Variants in LDLRAP1 observed in about 807,000 individuals in gnomAD.
LDLRAP1 encodes the protein low density lipoprotein receptor adaptor protein 1, also known as low density lipoprotein receptor adapter protein 1.
LDLRAP1 carries 30 observed loss-of-function variants against 37.8 expected under a neutral mutation model. The ratio of observed to expected loss-of-function variants is 0.79; its 90% confidence interval spans 0.59 to 1.08. LDLRAP1 has a LOEUF of 1.08. LDLRAP1 is among the 50% of genes least tolerant of loss of function. The pLI is 0.00. For synonymous variants in LDLRAP1, 156 were observed against 169.8 expected, an observed-to-expected ratio of 0.92 and a Z score of 0.63; for missense variants, 375 against 401.6, an observed-to-expected ratio of 0.93 and a Z score of 0.57.
downstream of LDLRAP1, among the ~76,000 whole-genome samples, chr1:25,569,535 C>T (rs916694824): frequency 6.6e-6 from 1 of 152,298 alleles, no homozygotes; most frequent in East Asian, 1.9e-4. Context: ...GTGCAATGAC[C>T]TCCCCGCTTT....
chr1:25,554,984 A>T lies in LDLRAP1; in HGVS notation c.344+12A>T. The T allele has an allele frequency of 1.2e-6, 2 of 1,603,476 alleles. No individual in the cohort carries two copies. Among genetic ancestry groups the T allele is most frequent in the Non-Finnish European group, 1.7e-6 (2 of 1,170,570 alleles). ...GTGTCCATATACAGGTACGCTCAGC[A>T]TGGGGTTGGCCCATCCACTCTGCCA... is the stretch of plus-strand genomic sequence containing the variant. On this transcript the variant is annotated intron_variant, in intron 3 of 8. Coordinates refer to ENST00000374338, the MANE Select transcript of LDLRAP1 (RefSeq NM_015627.3). This position sits in a 1 kb window ranked among gnomAD's most constrained non-coding sequence, Gnocchi z 5.4.
At chr1:25,559,039 G>A (rs539561186) in intron 4 of LDLRAP1, among the ~76,000 whole-genome samples, 1 of 152,294 alleles carries the variant, frequency 6.6e-6, no homozygotes, top group African/African-American at 2.4e-5. Flanking sequence ...AAGGCCCCGG[G>A]TTCTTTTGAA....
intron 4 of LDLRAP1, 49 bp downstream of exon 4, chr1:25,557,316 C>A: frequency 1.4e-6 from 2 of 1,463,944 alleles, no homozygotes; most frequent in Non-Finnish European, 1.9e-6. Context: ...GCCTTGGCAG[C>A]CTTGCTCTGG....
At chr1:25,553,124 G>A (rs977325464) in intron 1 of LDLRAP1, among the ~76,000 whole-genome samples, 4 of 151,976 alleles carry the variant, frequency 2.6e-5, no homozygotes, top group South Asian at 2.1e-4. Flanking sequence ...CTACGGATGC[G>A]CACAGGGAGG....
intron 1 of LDLRAP1, among the ~76,000 whole-genome samples, chr1:25,549,394 A>C (rs1045348390): frequency 6.6e-6 from 1 of 152,210 alleles, no homozygotes; most frequent in African/African-American, 2.4e-5. Flanking sequence ...TGTTGCAGAC[A>C]CACCAGCCAG....
At chr1:25,558,325 T>C (rs533246614) in intron 4 of LDLRAP1, among the ~76,000 whole-genome samples, 3 of 152,280 alleles carry the variant, frequency 2.0e-5, no homozygotes, top group Admixed American at 1.3e-4. Flanking sequence ...TCAAAGGACA[T>C]GTCAGGTACA....
the LDLRAP1 span, among the ~76,000 whole-genome samples, chr1:25,588,356 G>A: frequency 2.0e-5 from 3 of 152,314 alleles, no homozygotes; most frequent in South Asian, 4.2e-4. Flanking sequence ...TCTCCTGCTC[G>A]TCCCTGGGCA....
intron 4 of LDLRAP1, among the ~76,000 whole-genome samples, chr1:25,559,593 C>A (rs1162279482): frequency 6.6e-6 from 1 of 152,206 alleles, no homozygotes; most frequent in Admixed American, 6.5e-5. Flanking sequence ...TATCCATCTC[C>A]CTACCCTTTG....
chr1:25,587,611 C>T, the LDLRAP1 span, among the ~76,000 whole-genome samples: 2 of 152,216 alleles, frequency 1.3e-5, no homozygotes, highest in Non-Finnish European at 2.9e-5. Flanking sequence ...AGGACTTGTG[C>T]TGGAACCAGA....
chr1:25,574,442 T>C, the LDLRAP1 span, among the ~76,000 whole-genome samples: 3 of 152,180 alleles, frequency 2.0e-5, no homozygotes, highest in African/African-American at 7.2e-5. Context: ...GATGGAAGGT[T>C]GAAAAGGCAA....
intron 3 of LDLRAP1, among the ~76,000 whole-genome samples, chr1:25,556,461 T>C (rs899910152): frequency 2.6e-5 from 4 of 152,156 alleles, no homozygotes; most frequent in Non-Finnish European, 5.9e-5. Context: ...ACCCCACCCC[T>C]ACTCCCAGCT....
chr1:25,575,027 C>T, the LDLRAP1 span, among the ~76,000 whole-genome samples: 1 of 152,204 alleles, frequency 6.6e-6, no homozygotes, highest in African/African-American at 2.4e-5. Flanking sequence ...TCAGGGTCTC[C>T]TCCCCAGCGG....
intron 4 of LDLRAP1, among the ~76,000 whole-genome samples, chr1:25,560,032 G>C (rs1447365353): frequency 2.6e-5 from 4 of 151,580 alleles, no homozygotes; most frequent in African/African-American, 7.3e-5. Context: ...GGCTTTGAAG[G>C]CTGAGGAGCC....
At chr1:25,560,180 G>A (rs1031639764) in intron 4 of LDLRAP1, among the ~76,000 whole-genome samples, 6 of 152,168 alleles carry the variant, frequency 3.9e-5, no homozygotes, top group Non-Finnish European at 5.9e-5. Flanking sequence ...GGCAGCTTCC[G>A]TTTGCAGTGG....
chr1:25,560,768 T>C (rs1350941857), intron 4 of LDLRAP1, among the ~76,000 whole-genome samples: 1 of 152,156 alleles, frequency 6.6e-6, no homozygotes, highest in Admixed American at 6.5e-5. Flanking sequence ...CTGGGCAAGG[T>C]AGCATCCACT....
In LDLRAP1 at chr1:25,544,597, C is replaced by A. The variant is rs560144498; in HGVS notation, c.88+811C>A. Among the ~76,000 whole-genome samples the A allele has an allele frequency of 2.0e-5, 3 of 152,330 alleles. No homozygotes were observed. The highest frequency in any genetic ancestry group is 2.1e-4 in the South Asian group (1 of 4,820). On this transcript the variant is annotated intron_variant, in intron 1 of 8. Transcript: ENST00000374338. The surrounding 1 kb of genome is among the most constrained non-coding windows in gnomAD (Gnocchi z 4.8). ...TGGGAGGCTGGGAGGGGCCTCCCCC[C>A]CTTTCTCTCCCCCAGTCTCTGATTA...
Position 25,562,665 on chromosome 1 carries a change from G to A in LDLRAP1, c.481G>A (p.Val161Ile), listed in dbSNP as rs757349366. 19 of 1,614,042 alleles carry A rather than the reference G, an allele frequency of 1.2e-5. No individual in the cohort carries two copies. Among genetic ancestry groups the A allele is most frequent in the East Asian group, 2.2e-5 (1 of 44,892 alleles). ...TCAGGCACAGGCTGTTACCCTCACC[G>A]TAGCCCAGGCCTTCAAAGTCGCCTT... is the stretch of plus-strand genomic sequence containing the variant. ...RKMAQAVTLT[V>I]AQAFKVAFEF... Residue 161 changes from valine to isoleucine, a missense_variant, in exon 5 of 9, where the codon GTA (valine) becomes ATA (isoleucine). Physicochemically the swap from Val to Ile is conservative, Grantham distance 29 (BLOSUM62 3). Coordinates refer to ENST00000374338, the MANE Select transcript of LDLRAP1 (RefSeq NM_015627.3).
chr1:25,554,229 T>C lies in LDLRAP1; in HGVS notation c.231+165T>C, dbSNP rs572010464. Among the ~76,000 whole-genome samples, 3 of 152,246 alleles carry C rather than the reference T, an allele frequency of 2.0e-5. No homozygotes were observed. Among genetic ancestry groups the C allele is most frequent in the South Asian group, 2.1e-4 (1 of 4,832 alleles). On this transcript the variant is annotated intron_variant, in intron 2 of 8. Transcript: ENST00000374338. The surrounding 1 kb of genome is among the most constrained non-coding windows in gnomAD (Gnocchi z 5.4). ...TTTGGGCCTTGGCAGAGGGGAACCA[T>C]TGGACTTGCAAGGTCACGGTTAGTG...
intron 5 of LDLRAP1, 153 bp from the exon 6 acceptor site, chr1:25,562,917 G>A (rs1054685837): frequency 5.8e-6 from 5 of 856,796 alleles, no homozygotes; most frequent in Non-Finnish European, 9.9e-6. Flanking sequence ...TGCTTGTGAG[G>A]ATTAACTGAC....
Sources: gnomAD v4.1 joint callset for allele counts (sites outside exome capture counted in the v4.1 genomes callset) on GRCh38, gnomAD v4.1.1 for gene constraint, Gnocchi (gnomAD v3.1) non-coding constraint, MANE v1.5 for transcripts, NCBI Gene and HGNC (gene_info 2026-07-23, HGNC 2026-07-21) for gene names.